The following FRMD4B variants were observed in gnomAD, a reference collection of about 807,000 sequenced individuals.
The protein encoded by FRMD4B is FERM domain containing 4B.
A neutral mutation model predicts 141.5 loss-of-function variants in FRMD4B; 74 were observed. The ratio of observed to expected loss-of-function variants is 0.52; its 90% CI spans 0.43 to 0.63. FRMD4B has a LOEUF of 0.63. Ranked by LOEUF, FRMD4B falls within the 30% of genes least tolerant of loss-of-function variation. The pLI is 0.00. For missense variants in FRMD4B, 1,366 were observed against 1,253.4 expected, an observed-to-expected ratio of 1.09 and a Z score of -1.36; for synonymous variants, 506 against 467.9, an observed-to-expected ratio of 1.08 and a Z score of -1.05.
chr3:69,307,845 C>T (rs981903413), intron 3 of FRMD4B, among the ~76,000 whole-genome samples: 13 of 152,182 alleles, frequency 8.5e-5, no homozygotes, highest in African/African-American at 2.9e-4. Context: ...CCTATAACAT[C>T]CTTCCATGGA....
intron 7 of FRMD4B, among the ~76,000 whole-genome samples, chr3:69,240,917 T>A (rs1438551796): frequency 6.6e-6 from 1 of 152,202 alleles, no homozygotes; most frequent in East Asian, 1.9e-4. Flanking sequence ...GTTCATGTCA[T>A]GCTACTTTCT....
At chr3:69,227,285 A>G (rs1209974785) in intron 7 of FRMD4B, among the ~76,000 whole-genome samples, 1 of 152,182 alleles carries the variant, frequency 6.6e-6, no homozygotes, top group Non-Finnish European at 1.5e-5. Flanking sequence ...TTGAGTACTG[A>G]TCAATCACTG....
At chr3:69,212,380 A>AAAAAAAAAAAAAAAAAAAAAAAAAAAC (rs1559721543) in intron 11 of FRMD4B, among the ~76,000 whole-genome samples, 1 of 76,698 alleles carries the variant, frequency 1.3e-5, no homozygotes. Context: ...AAAAAAAAAA[A>AAAAAAAAAAAAAAAAAAAAAAAAAAAC]GAAAAAAAAA....
In FRMD4B at chr3:69,502,249, G is replaced by A. The variant is rs1483071494; in HGVS notation, c.-129+39957C>T. On this transcript the variant is annotated intron_variant, in intron 1 of 5. Transcript: ENST00000459638. ...GTCAATCCTAACCCAAAAGAACAAA[G>A]CTGGAGGCATCACACTACCTGACTT... Among the ~76,000 whole-genome samples, 4 of 152,272 alleles carry A rather than the reference G, an allele frequency of 2.6e-5. No homozygotes were observed. The East Asian group carries it at 7.7e-4, about 29-fold the overall frequency.
chr3:69,389,268 T>C (rs1236209918), upstream of FRMD4B, among the ~76,000 whole-genome samples: 1 of 152,112 alleles, frequency 6.6e-6, no homozygotes, highest in Non-Finnish European at 1.5e-5. Flanking sequence ...CCTGAACTCG[T>C]GATCCTCCCC....
chr3:69,479,217 A>C (rs560888803), intron 1 of FRMD4B, among the ~76,000 whole-genome samples: 3,565 of 150,512 alleles, frequency 0.024, 155 homozygotes, highest in African/African-American at 0.083. Flanking sequence ...TTTAAGGTTA[A>C]TATTGTTATG....
chr3:69,423,510 G>A (rs1230356751), intron 2 of FRMD4B, among the ~76,000 whole-genome samples: 2 of 152,118 alleles, frequency 1.3e-5, no homozygotes, highest in African/African-American at 4.8e-5. Flanking sequence ...GCTTTTGGTT[G>A]GTGATTTTGC....
Position 69,171,892 on chromosome 3 carries a change from T to C in FRMD4B, c.3074A>G (p.His1025Arg), listed in dbSNP as rs758625950. Residue 1025 changes from histidine (H) to arginine (R), a missense_variant, in exon 23 of 23, where the codon CAT becomes CGT. Physicochemically the swap from His to Arg is conservative, Grantham distance 29. Transcript: ENST00000398540. ...TAATGTTCCAGGCTTTGAATCTTCA[T>C]GCCAAAAGAGTCTCTGCTCACTACT... ...LESSEQRLFW[H>R]EDSKPGTLV 3.1e-6 allele frequency: 5 copies of C among 1,613,348 alleles called. No homozygotes were observed. The highest frequency in any genetic ancestry group is 2.2e-5 in the South Asian group (2 of 91,080).
chr3:69,382,836 A>T (rs1704149076), intron 1 of FRMD4B, among the ~76,000 whole-genome samples: 1 of 152,048 alleles, frequency 6.6e-6, no homozygotes, highest in Non-Finnish European at 1.5e-5. Flanking sequence ...GTGAGGGAAG[A>T]AACCAGCTGA....
intron 1 of FRMD4B, among the ~76,000 whole-genome samples, chr3:69,467,250 G>A (rs1705807517): frequency 6.6e-6 from 1 of 152,140 alleles, no homozygotes; most frequent in Non-Finnish European, 1.5e-5. Context: ...TCTCTGGAAG[G>A]AAGCTAATAA....
At chr3:69,442,852 G>A (rs1048015938) in intron 1 of FRMD4B, among the ~76,000 whole-genome samples, 33 of 152,154 alleles carry the variant, frequency 2.2e-4, no homozygotes, top group Non-Finnish European at 2.1e-4. Flanking sequence ...AGTGGCTTTG[G>A]GCCAGTTTCT....
At chr3:69,271,871 A>T (rs904184020) in intron 5 of FRMD4B, among the ~76,000 whole-genome samples, 1 of 152,084 alleles carries the variant, frequency 6.6e-6, no homozygotes. Context: ...GCTGCTCGGG[A>T]GGCTGAGGCA....
At chr3:69,401,340 G>A (rs1484166926) in intron 2 of FRMD4B, among the ~76,000 whole-genome samples, 2 of 152,150 alleles carry the variant, frequency 1.3e-5, no homozygotes, top group Non-Finnish European at 2.9e-5. Flanking sequence ...CTTGGGGGTT[G>A]TCCCAAAGCA....
intron 1 of FRMD4B, among the ~76,000 whole-genome samples, chr3:69,361,976 G>A (rs1703483402): frequency 6.6e-6 from 1 of 152,176 alleles, no homozygotes; most frequent in Non-Finnish European, 1.5e-5. Context: ...ATATATGAGA[G>A]ATCTGGTTAT....
chr3:69,294,417 A>C (rs1700975617), intron 4 of FRMD4B, among the ~76,000 whole-genome samples: 1 of 152,198 alleles, frequency 6.6e-6, no homozygotes, highest in South Asian at 2.1e-4. Flanking sequence ...TCTGCAAGAT[A>C]TTATGCAGTG....
At chr3:69,498,461 A>G (rs946228882) in intron 1 of FRMD4B, among the ~76,000 whole-genome samples, 6 of 152,222 alleles carry the variant, frequency 3.9e-5, no homozygotes, top group African/African-American at 9.6e-5. Flanking sequence ...AGAGACAGAA[A>G]GAGAAATCTC....
intron 2 of FRMD4B, among the ~76,000 whole-genome samples, chr3:69,430,939 C>T (rs1023531068): frequency 1.8e-4 from 27 of 152,302 alleles, no homozygotes; most frequent in South Asian, 4.1e-4. Flanking sequence ...TGGAAGCTCA[C>T]TTCTCAGAGG....
intron 11 of FRMD4B, among the ~76,000 whole-genome samples, chr3:69,201,286 T>C (rs1439779626): frequency 6.6e-6 from 1 of 151,990 alleles, no homozygotes; most frequent in Non-Finnish European, 1.5e-5. Flanking sequence ...GTATGGGGGG[T>C]ACGTTGTATA....
intron 1 of FRMD4B, chr3:69,334,362 G>T (rs747525209): frequency 3.3e-5 from 5 of 151,700 alleles, no homozygotes; most frequent in Non-Finnish European, 5.9e-5. Context: ...GCCAGGTGCG[G>T]TGGTTCATGC....
Sources: allele counts gnomAD v4.1 joint callset (sites outside exome capture counted in the v4.1 genomes callset), GRCh38; gene constraint gnomAD v4.1.1; transcripts MANE v1.5; gene names NCBI Gene and HGNC (gene_info 2026-07-23, HGNC 2026-07-21).